SLF2: variants seen among roughly 807,000 people sequenced by gnomAD.
SLF2 encodes the protein SMC5-SMC6 complex localization factor protein 2.
A neutral mutation model predicts 124.3 loss-of-function variants in SLF2; 68 were observed. The ratio of observed to expected loss-of-function variants is 0.55; its 90% confidence interval spans 0.45 to 0.67. The LOEUF is 0.67. Among genes scored for constraint, SLF2 ranks in the 30% least tolerant of loss-of-function variants. The pLI, the probability that SLF2 is intolerant of heterozygous loss-of-function variation, is 0.00. For missense variants in SLF2, 1,246 were observed against 1,373.7 expected, an observed-to-expected ratio of 0.91 and a Z score of 1.47; for synonymous variants, 480 against 478.8, an observed-to-expected ratio of 1.00 and a Z score of -0.03.
intron 1 of SLF2, 159 bp downstream of exon 1, chr10:100,913,409 C>T (rs1687023745): frequency 7.4e-7 from 1 of 1,353,024 alleles, no homozygotes; most frequent in Non-Finnish European, 9.5e-7. Flanking sequence ...CGCGCAGGGG[C>T]TACTGGGAGT....
chr10:100,917,230 A>T lies in SLF2; in HGVS notation c.845A>T (p.Lys282Ile). The T allele has an allele frequency of 6.2e-7, 1 of 1,614,176 alleles. No homozygotes were observed. Among genetic ancestry groups the T allele is most frequent in the South Asian group, 1.1e-5 (1 of 91,072 alleles). ...SLSLKSSIER[K>I]YKPRQEQRKQ... ...TCCTTAAAATCTAGTATAGAAAGAA[A>T]ATATAAACCAAGGCAGGAACAAAGG... Residue 282 changes from lysine to isoleucine, a missense_variant, in exon 3 of 20, where the codon AAA becomes ATA. This residue lies in a region of SLF2 where 698 missense variants were observed against 708.9 expected (regional missense o/e 0.98). Transcript: ENST00000238961.
intron 12 of SLF2, among the ~76,000 whole-genome samples, chr10:100,944,396 G>A (rs1397259315): frequency 6.6e-6 from 1 of 151,140 alleles, no homozygotes; most frequent in Non-Finnish European, 1.5e-5. Context: ...TCAGGAGGCT[G>A]AGGCAGGAGA....
At chr10:100,957,278 T>C (rs1850348242) in intron 18 of SLF2, among the ~76,000 whole-genome samples, 1 of 151,820 alleles carries the variant, frequency 6.6e-6, no homozygotes, top group South Asian at 2.1e-4. Context: ...ATAGATTAGC[T>C]GTTATTCTTT....
intron 12 of SLF2, among the ~76,000 whole-genome samples, chr10:100,945,088 T>C (rs2133811797): frequency 6.6e-6 from 1 of 152,114 alleles, no homozygotes; most frequent in African/African-American, 2.4e-5. Flanking sequence ...TTTTAGTTGC[T>C]GAATTGAATC....
chr10:100,918,860 G>A (rs1564769917), intron 4 of SLF2, among the ~76,000 whole-genome samples: 1 of 151,906 alleles, frequency 6.6e-6, no homozygotes, highest in African/African-American at 2.4e-5. Context: ...CTGAGCTCAT[G>A]AGCCACCACA....
chr10:100,946,936 T>A, intron 13 of SLF2, 103 bp from the exon 14 acceptor site: 2 of 878,424 alleles, frequency 2.3e-6, no homozygotes, highest in Non-Finnish European at 3.8e-6. Context: ...CTCTGTTTTG[T>A]ACTAGTGCTT....
intron 14 of SLF2, 67 bp from the exon 15 acceptor site, chr10:100,947,693 C>G: frequency 9.1e-7 from 1 of 1,104,440 alleles, no homozygotes; most frequent in Non-Finnish European, 1.4e-6. Context: ...CCTCTTGGCT[C>G]ATTCATTTGC....
intron 8 of SLF2, 32 bp downstream of exon 8, chr10:100,930,029 A>G (rs879208508): frequency 1.4e-6 from 2 of 1,388,356 alleles, no homozygotes; most frequent in Admixed American, 2.5e-5. Context: ...TTACTTTTAT[A>G]TGTATAAAAA....
intron 14 of SLF2, among the ~76,000 whole-genome samples, chr10:100,947,508 C>G (rs1049264781): frequency 6.6e-6 from 1 of 151,942 alleles, no homozygotes; most frequent in African/African-American, 2.4e-5. Context: ...GGTTTTCTGT[C>G]AGTAAATCAT....
chr10:100,953,646 T>A (rs910970619), intron 17 of SLF2, among the ~76,000 whole-genome samples: 5 of 151,950 alleles, frequency 3.3e-5, no homozygotes, highest in Non-Finnish European at 5.9e-5. Flanking sequence ...TTTTTTCCTC[T>A]TTAAAAAAAA....
In SLF2 at chr10:100,915,991, A is replaced by G. The variant is rs1270723555; in HGVS notation, c.141-8A>G. 1 of 1,604,972 alleles carries G rather than the reference A, an allele frequency of 6.2e-7. No homozygotes were observed. Among genetic ancestry groups the G allele is most frequent in the Non-Finnish European group, 8.5e-7 (1 of 1,173,020 alleles). ...TTATATGATGCCATATTATGCTTTT[A>G]TTTTCAGGAAGCAGTCAATTATAGA... On this transcript the variant is annotated splice_region_variant and splice_polypyrimidine_tract_variant and intron_variant, in intron 1 of 19. Transcript: ENST00000238961.
chr10:100,945,206 A>G (rs1850079986), intron 12 of SLF2, 124 bp from the exon 13 acceptor site: 4 of 730,590 alleles, frequency 5.5e-6, no homozygotes, highest in Non-Finnish European at 6.3e-6. Flanking sequence ...TTCTCTAGAC[A>G]TCGGATGTTT....
Position 100,916,572 on chromosome 10 carries a change from A to G in SLF2, c.187A>G (p.Arg63Gly). The G allele has an allele frequency of 7.4e-7, 1 of 1,350,200 alleles. No homozygotes were observed. Among genetic ancestry groups the G allele is most frequent in the South Asian group, 2.6e-5 (1 of 37,900 alleles). The allele number at this position is 1,350,200 out of a possible 1,614,324, so 83.6% of individuals were successfully genotyped here. A position where few individuals can be genotyped will look rare whatever the true frequency, so the allele number is the denominator to read the frequency against. The change falls in exon 3 of 20, where the codon AGA (arginine) becomes GGA (glycine). Residue 63 changes from arginine (R) to glycine (G), a missense_variant and splice_region_variant. By Grantham distance (125) the Arg-to-Gly change is moderately radical (BLOSUM62 -2). This residue lies in a region of SLF2 where 698 missense variants were observed against 708.9 expected (regional missense o/e 0.98). Transcript: ENST00000238961. ...ATGTGTTTTAATTGGCTATTTAGAC[A>G]GACACATGTTGGATTCACCACAAAA... ...DFFKPASKQD[R>G]HMLDSPQKSN...
intron 17 of SLF2, among the ~76,000 whole-genome samples, chr10:100,951,955 T>C (rs1002031315): frequency 2.8e-4 from 42 of 152,180 alleles, no homozygotes; most frequent in Admixed American, 2.4e-3. Context: ...AAAACTTAGG[T>C]CGGACATGCC....
chr10:100,921,712 A>C (rs1849526770), intron 4 of SLF2, among the ~76,000 whole-genome samples: 1 of 152,192 alleles, frequency 6.6e-6, no homozygotes, highest in African/African-American at 2.4e-5. Context: ...ATTTCTCCTC[A>C]TTTCTAGCTA....
chr10:100,924,863 T>G lies in SLF2; in HGVS notation c.1862T>G (p.Leu621Ter). ...GACAGTGATGAGGAAGAGGAAACAT[T>G]AAAGTCACTGGAAGAAATAATGGCT... The part of the protein sequence containing the change: ...NLDSDEEEET[L>*]KSLEEIMALN... Residue 621 changes from leucine to a stop codon, truncating the protein, a stop_gained, in exon 5 of 20, where the codon TTA becomes TGA. Transcript: ENST00000238961. LOFTEE classifies it high-confidence loss of function. The G allele has an allele frequency of 6.2e-7, 1 of 1,614,182 alleles. No individual in the cohort carries two copies. Among genetic ancestry groups the G allele is most frequent in the Non-Finnish European group, 8.5e-7 (1 of 1,180,036 alleles).
chr10:100,954,072 C>G (rs1254882200), intron 17 of SLF2, among the ~76,000 whole-genome samples: 1 of 146,390 alleles, frequency 6.8e-6, no homozygotes, highest in Non-Finnish European at 1.5e-5. Context: ...GCCTAGGCAA[C>G]AGAGCAGCAT....
At chr10:100,948,330 A>ATGT (rs1850144642) in intron 15 of SLF2, among the ~76,000 whole-genome samples, 1 of 152,196 alleles carries the variant, frequency 6.6e-6, no homozygotes, top group Non-Finnish European at 1.5e-5. Context: ...GAGAGTGTGG[A>ATGT]TAAACATGTC....
intron 9 of SLF2, among the ~76,000 whole-genome samples, chr10:100,937,071 T>C (rs990205269): frequency 6.6e-5 from 10 of 152,194 alleles, no homozygotes; most frequent in South Asian, 2.1e-4. Flanking sequence ...TTTTATCTTA[T>C]TGTATTTTAT....
Sources: gnomAD v4.1 joint callset for allele counts (sites outside exome capture counted in the v4.1 genomes callset) on GRCh38, gnomAD v4.1.1 for gene constraint, gnomAD v4.1.1 regional missense constraint, MANE v1.5 for transcripts, NCBI Gene and HGNC (gene_info 2026-07-23, HGNC 2026-07-21) for gene names.